PHLPP2: variants seen among roughly 807,000 people sequenced by gnomAD.
The protein encoded by PHLPP2 is PH domain leucine-rich repeat-containing protein phosphatase 2.
PHLPP2 carries 66 observed loss-of-function variants against 124.9 expected under a neutral mutation model. The ratio of observed to expected loss-of-function variants is 0.53; its 90% CI spans 0.43 to 0.65. PHLPP2 has a LOEUF of 0.65. PHLPP2 is among the 30% of genes least tolerant of loss of function. PHLPP2 has a pLI of 0.00. For synonymous variants in PHLPP2, 681 were observed against 624.7 expected, an observed-to-expected ratio of 1.09 and a Z score of -1.34; for missense variants, 1,685 against 1,600.4, an observed-to-expected ratio of 1.05 and a Z score of -0.90.
chr16:71,721,057 G>T (rs1259339393), intron 1 of PHLPP2, among the ~76,000 whole-genome samples: 2 of 152,090 alleles, frequency 1.3e-5, no homozygotes, highest in African/African-American at 2.4e-5. Flanking sequence ...TTTGGGGCTG[G>T]GTGCGGTGGC....
At chr16:71,676,227 T>C (rs2044943899) in intron 9 of PHLPP2, among the ~76,000 whole-genome samples, 1 of 152,202 alleles carries the variant, frequency 6.6e-6, no homozygotes, top group South Asian at 2.1e-4. Context: ...TGCCTCTTAT[T>C]ATGCTCAATT....
chr16:71,663,893 T>C lies in PHLPP2; in HGVS notation c.1985+6A>G. 1.2e-6 allele frequency: 2 copies of C among 1,608,316 alleles called. No individual in the cohort carries two copies. Among genetic ancestry groups the C allele is most frequent in the Non-Finnish European group, 1.7e-6 (2 of 1,174,618 alleles). On this transcript the variant is annotated splice_donor_region_variant and intron_variant, in intron 13 of 18. Coordinates refer to ENST00000568954, the MANE Select transcript of PHLPP2 (RefSeq NM_015020.3). ...TTGAAATGATCAAAGTTTGCATTCA[T>C]TTTACCTTGCAGGAAAGGTCTGTAA... is the stretch of plus-strand genomic sequence containing the variant.
rs1024877826 is a variant in PHLPP2 at position 71,672,298 on chromosome 16, G to T, written c.1496C>A (p.Pro499Gln). ...CAAGAAAGTGAGCAGGCTGGGTACTGGATAGACGTTCACTGCTGTCAGCCC... is the reference window on the plus strand; with the variant it reads ...CAAGAAAGTGAGCAGGCTGGGTACTTGATAGACGTTCACTGCTGTCAGCCC... ...SNRLTAVNVY[P>Q]VPSLLTFLDL... is the part of the protein sequence containing the mutation. Residue 499 changes from proline to glutamine, a missense_variant, in exon 10 of 19, where the codon CCA becomes CAA. Transcript: ENST00000568954. 8 of 1,613,496 alleles carry T rather than the reference G, an allele frequency of 5.0e-6. No individual in the cohort carries two copies. Among genetic ancestry groups the T allele is most frequent in the African/African-American group, 1.3e-5 (1 of 74,918 alleles).
At position 71,652,922 on chromosome 16, in the gene PHLPP2, T is replaced by C; in HGVS notation, c.2685A>G (p.Val895=). 1 of 1,614,074 alleles carries C rather than the reference T, an allele frequency of 6.2e-7. No individual in the cohort carries two copies. The highest frequency in any genetic ancestry group is 8.5e-7 in the Non-Finnish European group (1 of 1,179,982). The part of the protein sequence containing the change: ...ADPASSFSLT[V]ANVGTCQAVL... ...CTGCTTGGCACGTGCCAACATTGGCTACAGTCAAGCTAAAGCTACTTGCTG... is the reference window on the plus strand; with the variant it reads ...CTGCTTGGCACGTGCCAACATTGGCCACAGTCAAGCTAAAGCTACTTGCTG... Residue 895 remains valine, a synonymous_variant, in exon 18 of 19, where the codon GTA becomes GTG. Coordinates refer to ENST00000568954, the MANE Select transcript of PHLPP2 (RefSeq NM_015020.3).
intron 3 of PHLPP2, among the ~76,000 whole-genome samples, chr16:71,691,494 AATAAATAAATAAATAAAT>A (rs1243962026): frequency 6.6e-6 from 1 of 150,650 alleles, no homozygotes; most frequent in African/African-American, 2.4e-5. Flanking sequence ...TAAATAAATA[AATAAATAAATAAATAAAT>A]AAGGAATATA....
chr16:71,651,451 C>A (rs2044695896), intron 18 of PHLPP2, among the ~76,000 whole-genome samples: 1 of 152,118 alleles, frequency 6.6e-6, no homozygotes, highest in Non-Finnish European at 1.5e-5. Context: ...ATAGTCCCAG[C>A]TACTCAGGAG....
At chr16:71,692,635 T>C (rs1167001512) in intron 3 of PHLPP2, among the ~76,000 whole-genome samples, 4 of 152,152 alleles carry the variant, frequency 2.6e-5, no homozygotes, top group African/African-American at 4.8e-5. Context: ...TGGCAAGTGA[T>C]TGATTCCAGG....
At chr16:71,701,905 G>A (rs2045236312) in intron 3 of PHLPP2, among the ~76,000 whole-genome samples, 1 of 152,084 alleles carries the variant, frequency 6.6e-6, no homozygotes, top group African/African-American at 2.4e-5. Context: ...CCATAGGTAT[G>A]TGTATACAGG....
At chr16:71,673,216 G>A (rs759046850) in intron 9 of PHLPP2, among the ~76,000 whole-genome samples, 13 of 152,240 alleles carry the variant, frequency 8.5e-5, no homozygotes, top group African/African-American at 2.6e-4. Context: ...TATATTGAAC[G>A]TAAGCCTAGA....
At chr16:71,678,444 C>T in intron 8 of PHLPP2, 3 of 265,520 alleles carry the variant, frequency 1.1e-5, no homozygotes, top group Non-Finnish European at 1.4e-5. Flanking sequence ...TCGAGACCTG[C>T]CTGCACAACA....
intron 2 of PHLPP2, among the ~76,000 whole-genome samples, chr16:71,703,653 T>C (rs1275117521): frequency 2.0e-5 from 3 of 152,222 alleles, no homozygotes; most frequent in African/African-American, 7.2e-5. Context: ...GTCAACTGCC[T>C]GGGTTCAAGT....
chr16:71,681,178 C>A (rs952944529), intron 6 of PHLPP2, among the ~76,000 whole-genome samples: 2 of 152,094 alleles, frequency 1.3e-5, no homozygotes, highest in Admixed American at 6.6e-5. Context: ...TTATTCACTG[C>A]GTCCATTTTT....
intron 13 of PHLPP2, among the ~76,000 whole-genome samples, chr16:71,660,128 A>G (rs1343924057): frequency 6.6e-6 from 1 of 152,072 alleles, no homozygotes; most frequent in Non-Finnish European, 1.5e-5. Flanking sequence ...CTTCATTAAA[A>G]TAAATTAAAT....
At chr16:71,676,320 C>T (rs1241796085) in intron 9 of PHLPP2, 127 bp downstream of exon 9, 2 of 668,548 alleles carry the variant, frequency 3.0e-6, no homozygotes, top group Admixed American at 5.5e-5. Flanking sequence ...AGAGATAAAG[C>T]TTTGCCTCAA....
chr16:71,685,825 C>A (rs1479798453), intron 4 of PHLPP2, among the ~76,000 whole-genome samples: 2 of 152,184 alleles, frequency 1.3e-5, no homozygotes, highest in Admixed American at 1.3e-4. Flanking sequence ...AATTTGTCAA[C>A]TTCCCTGAGT....
At chr16:71,680,660 A>T (rs2044988525) in intron 6 of PHLPP2, among the ~76,000 whole-genome samples, 1 of 152,230 alleles carries the variant, frequency 6.6e-6, no homozygotes, top group Non-Finnish European at 1.5e-5. Flanking sequence ...CTCCATGATG[A>T]TGATCTATCA....
chr16:71,680,340 A>G (rs2044985659), intron 6 of PHLPP2, among the ~76,000 whole-genome samples: 2 of 152,242 alleles, frequency 1.3e-5, no homozygotes, highest in Admixed American at 6.5e-5. Flanking sequence ...ACATAAAATG[A>G]ATAAACCAGT....
At chr16:71,713,324 C>T (rs1168266058) in intron 2 of PHLPP2, among the ~76,000 whole-genome samples, 2 of 152,134 alleles carry the variant, frequency 1.3e-5, no homozygotes, top group Non-Finnish European at 2.9e-5. Flanking sequence ...ATAAAATTTA[C>T]TACTAACATA....
At chr16:71,703,766 G>C (rs548674106) in intron 2 of PHLPP2, among the ~76,000 whole-genome samples, 2 of 152,214 alleles carry the variant, frequency 1.3e-5, no homozygotes, top group African/African-American at 4.8e-5. Context: ...TAACTCATAA[G>C]ATGTTTAAAT....
Sources: gnomAD v4.1 joint callset for allele counts (sites outside exome capture counted in the v4.1 genomes callset) on GRCh38, gnomAD v4.1.1 for gene constraint, MANE v1.5 for transcripts, NCBI Gene and HGNC (gene_info 2026-07-23, HGNC 2026-07-21) for gene names.